ENOX1: variants seen among roughly 807,000 people sequenced by gnomAD.
The protein encoded by ENOX1 is ecto-NOX disulfide-thiol exchanger 1, also known as candidate growth-related and time keeping constitutive hydroquinone (NADH) oxidase.
ENOX1 carries 42 observed loss-of-function variants against 82.5 expected under a neutral mutation model. The observed-to-expected ratio is 0.51, with a 90% confidence interval of 0.40 to 0.66. ENOX1 has a LOEUF of 0.66. Among genes scored for constraint, ENOX1 ranks in the 30% least tolerant of loss-of-function variants. ENOX1 has a pLI of 0.00. For synonymous variants in ENOX1, 271 were observed against 282.2 expected (o/e 0.96, Z 0.40); for missense variants, 608 against 811.6 (o/e 0.75, Z 3.05).
chr13:43,244,383 T>A (rs1457975515), intron 14 of ENOX1, among the ~76,000 whole-genome samples: 5 of 152,124 alleles, frequency 3.3e-5, no homozygotes, highest in African/African-American at 1.2e-4. Context: ...GGGTACTGAA[T>A]CCATGCAACA....
intron 2 of ENOX1, among the ~76,000 whole-genome samples, chr13:43,600,926 A>G (rs185584494): frequency 1.3e-3 from 201 of 152,270 alleles, no homozygotes; most frequent in African/African-American, 4.7e-3. Flanking sequence ...CAAGACCAAC[A>G]AGGTGATAGC....
chr13:43,658,410 C>T (rs1205010384), intron 2 of ENOX1, among the ~76,000 whole-genome samples: 1 of 152,172 alleles, frequency 6.6e-6, no homozygotes. Context: ...TTATCACACA[C>T]ACGCATGCCT....
intron 1 of ENOX1, among the ~76,000 whole-genome samples, chr13:43,717,815 C>T (rs867220880): frequency 2.6e-5 from 4 of 152,086 alleles, no homozygotes; most frequent in Admixed American, 6.6e-5. Context: ...CAGAGAAATG[C>T]AAATCAAAAC....
At chr13:43,591,937 C>A (rs771586331) in intron 2 of ENOX1, among the ~76,000 whole-genome samples, 21 of 152,092 alleles carry the variant, frequency 1.4e-4, no homozygotes, top group African/African-American at 5.1e-4. Context: ...AGCCCTGTGC[C>A]AGGGGACACC....
intron 1 of ENOX1, among the ~76,000 whole-genome samples, chr13:43,743,108 C>CT (rs1484439692): frequency 6.6e-6 from 1 of 152,140 alleles, no homozygotes; most frequent in African/African-American, 2.4e-5. Flanking sequence ...GAACTGAACT[C>CT]TTTCTGTCTG....
intron 2 of ENOX1, among the ~76,000 whole-genome samples, chr13:43,590,600 T>A (rs2081199247): frequency 9.4e-6 from 1 of 106,578 alleles, no homozygotes; most frequent in African/African-American, 3.7e-5. Flanking sequence ...TGGTGAAACC[T>A]TGTTTCTACT....
chr13:43,350,330 T>C (rs896873971), intron 8 of ENOX1, among the ~76,000 whole-genome samples: 1 of 152,218 alleles, frequency 6.6e-6, no homozygotes, highest in Non-Finnish European at 1.5e-5. Context: ...ACAGGGCCCA[T>C]GCTACAGTCA....
chr13:43,308,011 G>A (rs910897559), intron 11 of ENOX1, among the ~76,000 whole-genome samples: 1 of 152,188 alleles, frequency 6.6e-6, no homozygotes, highest in Admixed American at 6.5e-5. Flanking sequence ...TCTCCTTGGC[G>A]AGTGGCCAGG....
intron 1 of ENOX1, among the ~76,000 whole-genome samples, chr13:43,672,881 A>G (rs1482391839): frequency 6.6e-6 from 1 of 152,096 alleles, no homozygotes; most frequent in Admixed American, 6.6e-5. Flanking sequence ...TGAATTCACT[A>G]CCTACAGTTC....
chr13:43,634,002 CTATTAA>C (rs1422315580), intron 2 of ENOX1, among the ~76,000 whole-genome samples: 2 of 137,628 alleles, frequency 1.5e-5, no homozygotes, highest in Non-Finnish European at 3.4e-5. Context: ...CACCTACTTA[CTATTAA>C]TATCACCTTT....
intron 1 of ENOX1, among the ~76,000 whole-genome samples, chr13:43,731,818 C>G (rs2089365800): frequency 6.6e-6 from 1 of 152,140 alleles, no homozygotes; most frequent in Non-Finnish European, 1.5e-5. Context: ...AATATTTTAG[C>G]AAAACATCAC....
chr13:43,604,490 T>C (rs899022038), intron 2 of ENOX1, among the ~76,000 whole-genome samples: 2 of 152,228 alleles, frequency 1.3e-5, no homozygotes, highest in Admixed American at 6.5e-5. Flanking sequence ...TATTGAGGTA[T>C]ATTCCTTAAT....
chr13:43,428,718 G>A (rs530934418), intron 3 of ENOX1, among the ~76,000 whole-genome samples: 16 of 152,268 alleles, frequency 1.1e-4, no homozygotes, highest in African/African-American at 3.4e-4. Context: ...CTAGCTACAA[G>A]GAAGAGGCCT....
chr13:43,293,170 G>A (rs1053990453), intron 12 of ENOX1, among the ~76,000 whole-genome samples: 2 of 151,948 alleles, frequency 1.3e-5, no homozygotes, highest in Non-Finnish European at 2.9e-5. Context: ...CACAACTGAG[G>A]TTACCACCCC....
At chr13:43,683,504 AAAAT>A (rs2085901797) in intron 1 of ENOX1, among the ~76,000 whole-genome samples, 1 of 152,124 alleles carries the variant, frequency 6.6e-6, no homozygotes, top group Non-Finnish European at 1.5e-5. Flanking sequence ...GTGAGATTTA[AAAAT>A]ACACCAACTT....
intron 1 of ENOX1, among the ~76,000 whole-genome samples, chr13:43,673,577 G>A (rs895810224): frequency 4.6e-5 from 7 of 152,250 alleles, no homozygotes; most frequent in African/African-American, 1.7e-4. Flanking sequence ...GTTAGCCTAA[G>A]AGAAAGTTTC....
At chr13:43,522,689 CATGCAGA>C (rs1472631175) in intron 2 of ENOX1, among the ~76,000 whole-genome samples, 6 of 152,244 alleles carry the variant, frequency 3.9e-5, no homozygotes, top group Middle Eastern at 3.4e-3. Context: ...GCTGTCTTTT[CATGCAGA>C]CCCTTGTGCT....
At chr13:43,501,663 C>CA (rs2076984955) in intron 2 of ENOX1, among the ~76,000 whole-genome samples, 1 of 147,052 alleles carries the variant, frequency 6.8e-6, no homozygotes, top group Admixed American at 6.8e-5. Flanking sequence ...TATTGGCTCA[C>CA]AAAAAGAAAT....
intron 9 of ENOX1, among the ~76,000 whole-genome samples, chr13:43,334,524 T>C (rs1217942040): frequency 1.3e-5 from 2 of 152,050 alleles, no homozygotes; most frequent in Admixed American, 1.3e-4. Flanking sequence ...TGAGAATTGC[T>C]TAAGAGAGCT....
Sources: allele counts gnomAD v4.1 joint callset (sites outside exome capture counted in the v4.1 genomes callset), GRCh38; gene constraint gnomAD v4.1.1; transcripts MANE v1.5; gene names NCBI Gene and HGNC (gene_info 2026-07-23, HGNC 2026-07-21).